Variants in LTBP1 observed in about 807,000 individuals in gnomAD.
The protein encoded by LTBP1 is latent transforming growth factor beta binding protein 1.
In LTBP1, 129 loss-of-function variants were observed where a neutral mutation model predicts 207.6. That is an observed-to-expected ratio of 0.62 (90% CI 0.54 to 0.72). The LOEUF (loss-of-function observed/expected upper bound fraction) is 0.72, where lower values mean the gene tolerates loss of function less well. Ranked by LOEUF, LTBP1 falls within the 30% of genes least tolerant of loss-of-function variation. LTBP1 has a pLI of 0.00. For missense variants in LTBP1, 2,281 were observed against 2,217.2 expected, an observed-to-expected ratio of 1.03 and a Z score of -0.58; for synonymous variants, 963 against 833.7, an observed-to-expected ratio of 1.16 and a Z score of -2.67.
At chr2:33,297,006 G>T (rs560413210) in intron 20 of LTBP1, among the ~76,000 whole-genome samples, 1 of 152,154 alleles carries the variant, frequency 6.6e-6, no homozygotes, top group Non-Finnish European at 1.5e-5. Flanking sequence ...ACAAAGTTTC[G>T]TTAAAGCCAA....
At chr2:33,070,324 C>T (rs1027373980) in intron 3 of LTBP1, among the ~76,000 whole-genome samples, 2 of 152,170 alleles carry the variant, frequency 1.3e-5, no homozygotes, top group African/African-American at 2.4e-5. Flanking sequence ...GGCAAGGTGA[C>T]GGTGGCCCTA....
chr2:33,086,023 C>G (rs1333394606), intron 3 of LTBP1, among the ~76,000 whole-genome samples: 1 of 152,230 alleles, frequency 6.6e-6, no homozygotes, highest in Non-Finnish European at 1.5e-5. Flanking sequence ...ACTGAACATC[C>G]AGGAGTTAGA....
intron 10 of LTBP1, among the ~76,000 whole-genome samples, chr2:33,251,286 T>C (rs952011197): frequency 3.0e-4 from 45 of 152,172 alleles, no homozygotes; most frequent in Non-Finnish European, 1.2e-4. Flanking sequence ...CACTACTGCA[T>C]GTGGCCAGAA....
At chr2:33,181,659 A>C (rs756773996) in intron 5 of LTBP1, among the ~76,000 whole-genome samples, 1 of 152,230 alleles carries the variant, frequency 6.6e-6, no homozygotes, top group Non-Finnish European at 1.5e-5. Context: ...TCAAGCTAAC[A>C]AGGTTATGGA....
intron 19 of LTBP1, among the ~76,000 whole-genome samples, chr2:33,283,101 TAA>T (rs902499548): frequency 8.3e-6 from 1 of 120,080 alleles, no homozygotes; most frequent in Non-Finnish European, 1.8e-5. Context: ...GTGAATAAAA[TAA>T]AGTTTTTCTC....
intron 2 of LTBP1, among the ~76,000 whole-genome samples, chr2:32,954,869 G>A (rs1185912639): frequency 6.6e-6 from 1 of 152,206 alleles, no homozygotes; most frequent in East Asian, 1.9e-4. Flanking sequence ...CTTTTCTACT[G>A]CAGCAGCTCT....
At chr2:33,393,689 T>C (rs377198962) in intron 32 of LTBP1, among the ~76,000 whole-genome samples, 16 of 152,260 alleles carry the variant, frequency 1.1e-4, no homozygotes, top group African/African-American at 3.1e-4. Context: ...TCCAGTCTAT[T>C]ATTGATGGAC....
intron 15 of LTBP1, among the ~76,000 whole-genome samples, chr2:33,263,630 A>G (rs1005640111): frequency 7.2e-5 from 11 of 152,224 alleles, no homozygotes; most frequent in African/African-American, 2.4e-4. Context: ...AGTTAATATC[A>G]TGAGGAAATA....
At chr2:32,998,703 T>C (rs1349243592) in intron 2 of LTBP1, among the ~76,000 whole-genome samples, 1 of 152,046 alleles carries the variant, frequency 6.6e-6, no homozygotes, top group Non-Finnish European at 1.5e-5. Flanking sequence ...GGTGGAGCCC[T>C]CATGACTGAA....
intron 9 of LTBP1, among the ~76,000 whole-genome samples, chr2:33,228,697 CTTTTTTTTTTTTTT>C (rs1244221993): frequency 3.0e-5 from 3 of 99,060 alleles, no homozygotes; most frequent in African/African-American, 1.2e-4. Context: ...GGGTTATACC[CTTTTTTTTTTTTTT>C]TTTTTTTGAG....
chr2:33,159,204 G>T (rs902412311), intron 5 of LTBP1, among the ~76,000 whole-genome samples: 7 of 152,160 alleles, frequency 4.6e-5, no homozygotes, highest in Non-Finnish European at 1.0e-4. Context: ...CAGTATACTT[G>T]CTGCTGTGGC....
chr2:33,277,788 T>TCTTC (rs2093467446), intron 18 of LTBP1, among the ~76,000 whole-genome samples: 1 of 111,050 alleles, frequency 9.0e-6, no homozygotes, highest in South Asian at 2.7e-4. Flanking sequence ...TTTCTTTCTT[T>TCTTC]CTTTCTTTCT....
At chr2:32,975,948 T>C (rs751590333) in intron 2 of LTBP1, among the ~76,000 whole-genome samples, 1 of 152,178 alleles carries the variant, frequency 6.6e-6, no homozygotes, top group Non-Finnish European at 1.5e-5. Context: ...GGGGAACTTG[T>C]GTGGTTGTTT....
chr2:33,201,469 G>A (rs1485768288), intron 7 of LTBP1, among the ~76,000 whole-genome samples: 1 of 149,954 alleles, frequency 6.7e-6, no homozygotes, highest in Non-Finnish European at 1.5e-5. Flanking sequence ...CACACTCTGG[G>A]GACTGTTGTG....
intron 10 of LTBP1, among the ~76,000 whole-genome samples, chr2:33,250,721 C>T (rs1241533397): frequency 6.6e-6 from 1 of 152,142 alleles, no homozygotes; most frequent in Non-Finnish European, 1.5e-5. Context: ...CTCATGCATG[C>T]TGGGTCCCAC....
intron 2 of LTBP1, among the ~76,000 whole-genome samples, chr2:32,962,453 A>T (rs903147652): frequency 6.6e-6 from 1 of 152,194 alleles, no homozygotes; most frequent in African/African-American, 2.4e-5. Flanking sequence ...TTTTTCATCC[A>T]TTTAGGAGAT....
intron 2 of LTBP1, among the ~76,000 whole-genome samples, chr2:32,962,978 C>T (rs1327432221): frequency 1.3e-5 from 2 of 152,228 alleles, no homozygotes; most frequent in African/African-American, 2.4e-5. Flanking sequence ...CTTTCCACAT[C>T]CCCCCACCCT....
intron 7 of LTBP1, among the ~76,000 whole-genome samples, chr2:33,207,726 A>G (rs542720184): frequency 1.3e-5 from 2 of 152,226 alleles, no homozygotes; most frequent in Non-Finnish European, 2.9e-5. Context: ...TGCACTAGCG[A>G]TAGGGGTTAG....
intron 5 of LTBP1, among the ~76,000 whole-genome samples, chr2:33,144,704 C>T (rs769532513): frequency 1.1e-4 from 16 of 152,114 alleles, no homozygotes; most frequent in East Asian, 3.8e-4. Context: ...CACATTTATG[C>T]GATGCAGTAT....
Sources: allele counts gnomAD v4.1 joint callset (sites outside exome capture counted in the v4.1 genomes callset), GRCh38; gene constraint gnomAD v4.1.1; transcripts MANE v1.5; gene names NCBI Gene and HGNC (gene_info 2026-07-23, HGNC 2026-07-21).